The following ZBTB8B variants were observed in gnomAD, a reference collection of about 807,000 sequenced individuals.
ZBTB8B encodes zinc finger and BTB domain containing 8B.
ZBTB8B carries 17 observed loss-of-function variants against 30.3 expected under a neutral mutation model. The ratio of observed to expected loss-of-function variants is 0.56; its 90% confidence interval spans 0.38 to 0.84. The LOEUF (loss-of-function observed/expected upper bound fraction) is 0.84, where lower values mean the gene tolerates loss of function less well. ZBTB8B is among the 40% of genes least tolerant of loss of function. ZBTB8B has a pLI of 0.00. For missense variants in ZBTB8B, 515 were observed against 644.9 expected, an observed-to-expected ratio of 0.80 and a Z score of 2.18; for synonymous variants, 248 against 255.6, an observed-to-expected ratio of 0.97 and a Z score of 0.28.
chr1:32,477,740 A>G, intron 2 of ZBTB8B, among the ~76,000 whole-genome samples: 1 of 144,582 alleles, frequency 6.9e-6, no homozygotes, highest in African/African-American at 2.6e-5. Context: ...TGTCTCTACA[A>G]AAAAAAAAAA....
chr1:32,475,101 T>C (rs1478000482), intron 2 of ZBTB8B, among the ~76,000 whole-genome samples: 3 of 152,270 alleles, frequency 2.0e-5, no homozygotes, highest in Non-Finnish European at 4.4e-5. Flanking sequence ...TTGTCTACCA[T>C]GTTTTTATTT....
At position 32,471,154 on chromosome 1, in the gene ZBTB8B, C is replaced by G; in HGVS notation, c.530C>G (p.Ser177Cys). The change falls in exon 2 of 4, where the codon TCC (serine) becomes TGC (cysteine). Residue 177 changes from serine (S) to cysteine (C), a missense_variant. Transcript: ENST00000609129. ...TCCTGTGGTACCAAGAGCTTGGTCT[C>G]CTCTCCAGCCGAGGGAGAAAAGAGC... ...GTSCGTKSLV[S>C]SPAEGEKSVE... The G allele has an allele frequency of 6.4e-7, 1 of 1,551,792 alleles. No homozygotes were observed. Among genetic ancestry groups the G allele is most frequent in the Non-Finnish European group, 8.7e-7 (1 of 1,147,024 alleles).
rs752714702 is a variant in ZBTB8B, at chr1:32,467,455, C to T, written c.-42+2350C>T. Among the ~76,000 whole-genome samples the T allele has an allele frequency of 1.3e-4, 19 of 151,926 alleles. No homozygotes were observed. The South Asian group carries it at 2.1e-3, about 17-fold the overall frequency. On this transcript the variant is annotated intron_variant, in intron 1 of 3. Transcript: ENST00000609129. ...TTTTAGTAGAGACGGGGTTTCACTACGTTGGCCAGGCTGGTCTCGAACTCC... is the reference window on the plus strand; with the variant it reads ...TTTTAGTAGAGACGGGGTTTCACTATGTTGGCCAGGCTGGTCTCGAACTCC...
intron 2 of ZBTB8B, among the ~76,000 whole-genome samples, chr1:32,478,283 G>A (rs1181801024): frequency 1.3e-5 from 2 of 151,750 alleles, no homozygotes; most frequent in African/African-American, 4.8e-5. Flanking sequence ...AGGCTGAAGC[G>A]GGTGGATCAC....
chr1:32,492,544 C>A lies in ZBTB8B; in HGVS notation c.*7126C>A. 1 of 152,310 alleles carries A rather than the reference C, an allele frequency of 6.6e-6. No homozygotes were observed. Among genetic ancestry groups the A allele is most frequent in the Non-Finnish European group, 1.5e-5 (1 of 68,176 alleles). 9.4% of individuals were successfully genotyped at this position (152,310 alleles called of 1,614,324 possible). A position where few individuals can be genotyped will look rare whatever the true frequency, so the allele number is the denominator to read the frequency against. On this transcript the variant is annotated 3_prime_UTR_variant, in exon 4 of 4. Transcript: ENST00000609129. ...TCTCGGCCTGACCTCAGGCAATCCG[C>A]CTCTGCCTCCCAAAGTGCTGGGATT...
intron 2 of ZBTB8B, among the ~76,000 whole-genome samples, chr1:32,477,041 C>T (rs2148183547): frequency 6.6e-6 from 1 of 152,272 alleles, no homozygotes; most frequent in South Asian, 2.1e-4. Flanking sequence ...TTCATATTCT[C>T]ATTTACCTCT....
rs1643798475 is a variant in ZBTB8B at position 32,493,932 on chromosome 1, G to A, written c.*8514G>A. On this transcript the variant is annotated 3_prime_UTR_variant, in exon 4 of 4. Coordinates refer to ENST00000609129, the MANE Select transcript of ZBTB8B (RefSeq NM_001145720.2). ...AATCAGGATACATGCCAGGCGTCGG[G>A]GCTTACGCCTGTAATCCCAGCATTT... 1 of 151,672 alleles carries A rather than the reference G, an allele frequency of 6.6e-6. No individual in the cohort carries two copies. The highest frequency in any genetic ancestry group is 2.4e-5 in the African/African-American group (1 of 41,304). 9.4% of individuals were successfully genotyped at this position (151,672 alleles called of 1,614,324 possible).
At position 32,465,654 on chromosome 1, in the gene ZBTB8B, T is replaced by A. The variant is rs1269711256; in HGVS notation, c.-42+549T>A. Among the ~76,000 whole-genome samples, 1 of 152,212 alleles carries A rather than the reference T, an allele frequency of 6.6e-6. No individual in the cohort carries two copies. Among genetic ancestry groups the A allele is most frequent in the African/African-American group, 2.4e-5 (1 of 41,450 alleles). ...CTTCTCCAGTGTCCTTCTCCTCCGA[T>A]CCATGCCTAAAAGAAAGGAGTGACT... On this transcript the variant is annotated intron_variant, in intron 1 of 3. Transcript: ENST00000609129. The surrounding 1 kb of genome is among the most constrained non-coding windows in gnomAD (Gnocchi z 4.1).
In ZBTB8B at chr1:32,471,165, G is replaced by A. The variant is rs1331711649; in HGVS notation, c.541G>A (p.Glu181Lys). ...CAAGAGCTTGGTCTCCTCTCCAGCC[G>A]AGGGAGAAAAGAGCGTGGAGTGCCT... is the stretch of plus-strand genomic sequence containing the variant. The part of the protein sequence containing the change: ...GTKSLVSSPA[E>K]GEKSVECLRE... Residue 181 changes from glutamate to lysine, a missense_variant, in exon 2 of 4, where the codon GAG (glutamate) becomes AAG (lysine). This residue lies in a region of ZBTB8B where 429 missense variants were observed against 504.3 expected (regional missense o/e 0.85). Transcript: ENST00000609129. The A allele has an allele frequency of 4.5e-6, 7 of 1,551,824 alleles. No homozygotes were observed. Among genetic ancestry groups the A allele is most frequent in the Non-Finnish European group, 6.1e-6 (7 of 1,147,014 alleles).
Position 32,471,600 on chromosome 1 carries a change from T to C in ZBTB8B, c.976T>C (p.Tyr326His). The C allele has an allele frequency of 2.6e-6, 4 of 1,550,838 alleles. No individual in the cohort carries two copies. The East Asian group carries it at 9.8e-5, about 38-fold the overall frequency. Residue 326 changes from tyrosine (Y) to histidine (H), a missense_variant, in exon 2 of 4, where the codon TAT becomes CAT. Transcript: ENST00000609129. ...SSMMDVQADW[Y>H]GEDSGDVLVV... ...CATGATGGATGTCCAGGCTGACTGG[T>C]ATGGAGAGGACTCAGGTGAGCTCCC... is the stretch of plus-strand genomic sequence containing the variant.
chr1:32,489,838 T>G lies in ZBTB8B; in HGVS notation c.*4420T>G, dbSNP rs2148188690. On this transcript the variant is annotated 3_prime_UTR_variant, in exon 4 of 4. Coordinates refer to ENST00000609129, the MANE Select transcript of ZBTB8B (RefSeq NM_001145720.2). Reference sequence around the variant, plus strand: ...CTATAATAATTAAGAAATGACATAGTGCATCATGATTCTGATCATTTGGCA... The same window carrying G: ...CTATAATAATTAAGAAATGACATAGGGCATCATGATTCTGATCATTTGGCA... 1 of 152,332 alleles carries G rather than the reference T, an allele frequency of 6.6e-6. No individual in the cohort carries two copies. Among genetic ancestry groups the G allele is most frequent in the Non-Finnish European group, 1.5e-5 (1 of 68,032 alleles). The allele number at this position is 152,332 out of a possible 1,614,324, so 9.4% of individuals were successfully genotyped here. A position where few individuals can be genotyped will look rare whatever the true frequency, so the allele number is the denominator to read the frequency against.
intron 3 of ZBTB8B, among the ~76,000 whole-genome samples, chr1:32,482,285 C>T (rs947734723): frequency 3.9e-5 from 6 of 152,066 alleles, no homozygotes; most frequent in Non-Finnish European, 8.8e-5. Context: ...AGGCATGAGC[C>T]ACCATGTGCA....
chr1:32,474,472 C>T (rs1052280436), intron 2 of ZBTB8B, among the ~76,000 whole-genome samples: 15 of 146,396 alleles, frequency 1.0e-4, no homozygotes, highest in African/African-American at 3.1e-4. Flanking sequence ...CCTGGGAGGT[C>T]GAGGCTGCGG....
chr1:32,479,182 T>C (rs1180526550), intron 2 of ZBTB8B, among the ~76,000 whole-genome samples: 1 of 152,076 alleles, frequency 6.6e-6, no homozygotes, highest in Non-Finnish European at 1.5e-5. Flanking sequence ...TGATATGATA[T>C]GATATGATAT....
At chr1:32,480,650 G>C (rs1183133234) in intron 2 of ZBTB8B, among the ~76,000 whole-genome samples, 2 of 152,294 alleles carry the variant, frequency 1.3e-5, no homozygotes, top group East Asian at 3.9e-4. Flanking sequence ...TGTGGAAGCT[G>C]GTGCCTTATA....
intron 1 of ZBTB8B, among the ~76,000 whole-genome samples, chr1:32,466,191 C>G (rs1172374962): frequency 6.6e-6 from 1 of 151,988 alleles, no homozygotes; most frequent in Non-Finnish European, 1.5e-5. Context: ...CAGAAAGGGT[C>G]GGAGGTGGAA....
intron 2 of ZBTB8B, among the ~76,000 whole-genome samples, chr1:32,474,400 C>T (rs959294764): frequency 7.4e-6 from 1 of 135,388 alleles, no homozygotes; most frequent in African/African-American, 2.8e-5. Context: ...ATTAGCCAGG[C>T]GTCATTGCAT....
At chr1:32,476,965 G>C (rs1377264246) in intron 2 of ZBTB8B, among the ~76,000 whole-genome samples, 2 of 152,130 alleles carry the variant, frequency 1.3e-5, no homozygotes, top group Non-Finnish European at 2.9e-5. Context: ...ATGAATGAAT[G>C]AATGTGACCA....
Position 32,496,585 on chromosome 1 carries a change from T to G in ZBTB8B, c.*11167T>G, listed in dbSNP as rs1166673197. 2.0e-5 allele frequency: 3 copies of G among 152,242 alleles called. No homozygotes were observed. Among genetic ancestry groups the G allele is most frequent in the African/African-American group, 7.2e-5 (3 of 41,474 alleles). 9.4% of individuals were successfully genotyped at this position (152,242 alleles called of 1,614,324 possible). ...AGTGGTAATGTACCAGGTCTGTTTA[T>G]ATAGGTCAGTGTTGCCCAGGTTGTA... On this transcript the variant is annotated 3_prime_UTR_variant, in exon 4 of 4. Coordinates refer to ENST00000609129, the MANE Select transcript of ZBTB8B (RefSeq NM_001145720.2).
Sources: allele counts gnomAD v4.1 joint callset (sites outside exome capture counted in the v4.1 genomes callset), GRCh38; gene constraint gnomAD v4.1.1; regional missense constraint gnomAD v4.1.1; non-coding constraint Gnocchi (gnomAD v3.1); transcripts MANE v1.5; gene names NCBI Gene and HGNC (gene_info 2026-07-23, HGNC 2026-07-21).